LMTK2: variants seen among roughly 807,000 people sequenced by gnomAD.
The protein encoded by LMTK2 is lemur tail kinase 2.
LMTK2 carries 37 observed loss-of-function variants against 127.5 expected under a neutral mutation model. That is an observed-to-expected ratio of 0.29 (90% CI 0.22 to 0.38). The LOEUF is 0.38. LMTK2 is among the 10% of genes least tolerant of loss of function. LMTK2 has a pLI of 1.00. For missense variants in LMTK2, 1,694 were observed against 1,920.3 expected (o/e 0.88, Z 2.20); for synonymous variants, 819 against 810.1 (o/e 1.01, Z -0.19).
chr7:98,112,796 T>G (rs907935270), intron 1 of LMTK2, among the ~76,000 whole-genome samples: 2 of 151,258 alleles, frequency 1.3e-5, no homozygotes, highest in Admixed American at 1.3e-4. Flanking sequence ...AATTGTGGAG[T>G]TTTTGCTGGT....
chr7:98,135,301 ATTTATTTTTATTT>A (rs1248017862), intron 1 of LMTK2, among the ~76,000 whole-genome samples: 1 of 151,592 alleles, frequency 6.6e-6, no homozygotes, highest in Non-Finnish European at 1.5e-5. Context: ...ATAGATGAGG[ATTTATTTTTATTT>A]TTTATTTTTA....
intron 7 of LMTK2, among the ~76,000 whole-genome samples, chr7:98,179,591 T>C (rs10273378): frequency 0.92 from 130,418 of 142,096 alleles, 60,500 homozygotes; most frequent in Middle Eastern, 0.96. Context: ...CTCTCCCTCC[T>C]TCCCTCTCTC....
At chr7:98,166,011 G>A (rs1205631874) in intron 6 of LMTK2, among the ~76,000 whole-genome samples, 2 of 152,214 alleles carry the variant, frequency 1.3e-5, no homozygotes, top group Admixed American at 6.5e-5. Flanking sequence ...TCCAGTGCCC[G>A]GCCCTGTGCT....
At chr7:98,155,173 T>C (rs916446663) in intron 5 of LMTK2, among the ~76,000 whole-genome samples, 2 of 152,088 alleles carry the variant, frequency 1.3e-5, no homozygotes, top group African/African-American at 4.8e-5. Flanking sequence ...AGCAATTGCA[T>C]CACGTTTAAA....
chr7:98,177,461 A>G (rs1797294431), intron 7 of LMTK2, among the ~76,000 whole-genome samples: 1 of 152,204 alleles, frequency 6.6e-6, no homozygotes, highest in Non-Finnish European at 1.5e-5. Flanking sequence ...CAGTTCACTC[A>G]AAGAATTCCC....
At chr7:98,111,722 G>A (rs969988623) in intron 1 of LMTK2, among the ~76,000 whole-genome samples, 1 of 152,170 alleles carries the variant, frequency 6.6e-6, no homozygotes, top group Non-Finnish European at 1.5e-5. Context: ...AATGGCAGGT[G>A]GTATGGCATC....
intron 13 of LMTK2, among the ~76,000 whole-genome samples, chr7:98,204,514 C>G (rs1423345382): frequency 6.6e-6 from 1 of 152,208 alleles, no homozygotes; most frequent in South Asian, 2.1e-4. Context: ...TGCACTTCAG[C>G]TACTCAGGAG....
chr7:98,163,105 G>A (rs1348726197), intron 6 of LMTK2, among the ~76,000 whole-genome samples: 1 of 152,194 alleles, frequency 6.6e-6, no homozygotes, highest in Non-Finnish European at 1.5e-5. Context: ...AAAGTAGAAA[G>A]GTGGGTGCCA....
At chr7:98,114,240 G>A (rs367863374) in intron 1 of LMTK2, among the ~76,000 whole-genome samples, 1 of 130,968 alleles carries the variant, frequency 7.6e-6, no homozygotes, top group Non-Finnish European at 1.6e-5. Flanking sequence ...TTTTTTTAAA[G>A]TTTTTTTTTT....
chr7:98,205,693 C>T lies in LMTK2; in HGVS notation c.*201C>T. On this transcript the variant is annotated 3_prime_UTR_variant, in exon 14 of 14. Coordinates refer to ENST00000297293, the MANE Select transcript of LMTK2 (RefSeq NM_014916.4). ...GCCCAGGTGCAGAGCGAGGCCGTGT[C>T]CAGGAGCCGGCGTCCCTCAGTGCCC... 1 of 623,242 alleles carries T rather than the reference C, an allele frequency of 1.6e-6. No homozygotes were observed. Among genetic ancestry groups the T allele is most frequent in the East Asian group, 2.8e-5 (1 of 36,034 alleles). The allele number at this position is 623,242 out of a possible 1,614,324, so 38.6% of individuals were successfully genotyped here.
chr7:98,130,440 T>G (rs1020354282), intron 1 of LMTK2, among the ~76,000 whole-genome samples: 19 of 152,306 alleles, frequency 1.2e-4, no homozygotes, highest in Admixed American at 3.3e-4. Flanking sequence ...GGTCTTTGGC[T>G]CTTCTTTGTT....
intron 13 of LMTK2, among the ~76,000 whole-genome samples, chr7:98,205,153 G>A (rs540994159): frequency 4.6e-5 from 7 of 152,320 alleles, no homozygotes; most frequent in Admixed American, 1.3e-4. Flanking sequence ...TTCCCTCGGC[G>A]CTAGGCTTCA....
At chr7:98,198,635 C>T (rs540994150) in intron 11 of LMTK2, among the ~76,000 whole-genome samples, 2 of 152,248 alleles carry the variant, frequency 1.3e-5, no homozygotes, top group Non-Finnish European at 2.9e-5. Context: ...GGACCACAGG[C>T]GCCCACCACC....
chr7:98,194,065 T>C lies in LMTK2; in HGVS notation c.3600T>C (p.Ser1200=). 1 of 1,614,074 alleles carries C rather than the reference T, an allele frequency of 6.2e-7. No individual in the cohort carries two copies. The highest frequency in any genetic ancestry group is 8.5e-7 in the Non-Finnish European group (1 of 1,180,034). Residue 1200 remains serine, a synonymous_variant, in exon 11 of 14, where the codon AGT becomes AGC. Coordinates refer to ENST00000297293, the MANE Select transcript of LMTK2 (RefSeq NM_014916.4). The surrounding 1 kb of genome is among the most constrained non-coding windows in gnomAD (Gnocchi z 5.4). ...QVHPTEDEAS[S]PWSVLNAELS... is the part of the protein sequence containing the mutation. Reference sequence around the variant, plus strand: ...ATCCCACGGAAGACGAGGCCAGCAGTCCCTGGAGTGTGCTGAATGCAGAAC... The same window carrying C: ...ATCCCACGGAAGACGAGGCCAGCAGCCCCTGGAGTGTGCTGAATGCAGAAC...
In LMTK2 at chr7:98,192,475, T is replaced by G. The variant is rs773404012; in HGVS notation, c.2010T>G (p.Ser670Arg). ...CCGACTTTAAACCTGCCACTTTAAG[T>G]TCCAGTTTGGATAACCCCAAAGAGT... ...VQADFKPATL[S>R]SSLDNPKESV... The change falls in exon 11 of 14, where the codon AGT becomes AGG. Residue 670 changes from serine (S) to arginine (R), a missense_variant. Ser to Arg is a moderately radical substitution (Grantham distance 110). This residue lies in a region of LMTK2 where 527 missense variants were observed against 539.8 expected (regional missense o/e 0.98). Transcript: ENST00000297293. 5 of 1,611,420 alleles carry G rather than the reference T, an allele frequency of 3.1e-6. No individual in the cohort carries two copies. The highest frequency in any genetic ancestry group is 3.4e-6 in the Non-Finnish European group (4 of 1,179,412).
chr7:98,182,792 C>T (rs1176466868), intron 7 of LMTK2, among the ~76,000 whole-genome samples: 2 of 152,204 alleles, frequency 1.3e-5, no homozygotes, highest in African/African-American at 4.8e-5. Context: ...CACCCATGTT[C>T]ATACCAGCAT....
chr7:98,129,045 A>G (rs1267172594), intron 1 of LMTK2, among the ~76,000 whole-genome samples: 1 of 152,002 alleles, frequency 6.6e-6, no homozygotes, highest in African/African-American at 2.4e-5. Flanking sequence ...TTCTCTTATA[A>G]TCTTATTTGT....
chr7:98,108,041 GA>G (rs966122267), intron 1 of LMTK2, among the ~76,000 whole-genome samples: 6 of 151,014 alleles, frequency 4.0e-5, no homozygotes, highest in South Asian at 2.1e-4. Context: ...TTCTAAAAAG[GA>G]AAAAAAAATC....
Position 98,138,531 on chromosome 7 carries a change from C to G in LMTK2, c.231+1089C>G, listed in dbSNP as rs10234013. On this transcript the variant is annotated intron_variant, in intron 2 of 13. Coordinates refer to ENST00000297293, the MANE Select transcript of LMTK2 (RefSeq NM_014916.4). ...TCCTTTAGAATATTTTGCCCCAGACCTGTAGGGTTTTACTCACAACATCAG... is the reference window on the plus strand; with the variant it reads ...TCCTTTAGAATATTTTGCCCCAGACGTGTAGGGTTTTACTCACAACATCAG... Among the ~76,000 whole-genome samples, 478 of 152,276 alleles carry G rather than the reference C, an allele frequency of 3.1e-3. 1 individual carries two copies. Among genetic ancestry groups the G allele is most frequent in the African/African-American group, 0.011 (459 of 41,546 alleles).
Sources: allele counts gnomAD v4.1 joint callset (sites outside exome capture counted in the v4.1 genomes callset), GRCh38; gene constraint gnomAD v4.1.1; regional missense constraint gnomAD v4.1.1; non-coding constraint Gnocchi (gnomAD v3.1); transcripts MANE v1.5; gene names NCBI Gene and HGNC (gene_info 2026-07-23, HGNC 2026-07-21).